Variants in COL28A1 observed in about 807,000 individuals in gnomAD.
The protein encoded by COL28A1 is collagen alpha-1(XXVIII) chain.
In COL28A1, 161 loss-of-function variants were observed where a neutral mutation model predicts 150.2. The ratio of observed to expected loss-of-function variants is 1.07; its 90% CI spans 0.94 to 1.22. The LOEUF (loss-of-function observed/expected upper bound fraction) is 1.22. COL28A1 is among the 50% of genes most tolerant of loss of function. The pLI is 0.00. For missense variants in COL28A1, 1,617 were observed against 1,388.3 expected, an observed-to-expected ratio of 1.16 and a Z score of -2.62; for synonymous variants, 552 against 469.7, an observed-to-expected ratio of 1.18 and a Z score of -2.26.
At chr7:7,456,498 AT>A (rs1196622314) in intron 15 of COL28A1, among the ~76,000 whole-genome samples, 1 of 152,224 alleles carries the variant, frequency 6.6e-6, no homozygotes, top group East Asian at 1.9e-4. Flanking sequence ...GAAGAAAAAT[AT>A]TTTTAAATTT....
intron 27 of COL28A1, among the ~76,000 whole-genome samples, chr7:7,405,621 T>G (rs1430012595): frequency 6.6e-6 from 1 of 152,172 alleles, no homozygotes. Flanking sequence ...TTGTAATGAA[T>G]GTGTTAGGAC....
At chr7:7,490,799 G>A (rs1199648629) in intron 11 of COL28A1, among the ~76,000 whole-genome samples, 153 bp from the exon 12 acceptor site, 1 of 152,048 alleles carries the variant, frequency 6.6e-6, no homozygotes, top group East Asian at 1.9e-4. Context: ...CAACTCATTT[G>A]GAAAGAAAAC....
At chr7:7,357,236 G>A (rs923010492), downstream of COL28A1, 5 of 152,210 alleles carry the variant, frequency 3.3e-5, no homozygotes, top group African/African-American at 1.2e-4. Context: ...TCTTAGTAGA[G>A]ACGGGGTTTT....
At position 7,477,114 on chromosome 7, in the gene COL28A1, T is replaced by G; in HGVS notation, c.1231A>C (p.Lys411Gln). ...CCTGGTACAGAAGGTATTGTTACCTTTGGTCCTGGAAATCCTTCTCCGGGT... is the reference window on the plus strand; with the variant it reads ...CCTGGTACAGAAGGTATTGTTACCTGTGGTCCTGGAAATCCTTCTCCGGGT... ...GLPGEGFPGPKGEKGSEGPTG... is the reference protein window; with the variant it reads ...GLPGEGFPGPQGEKGSEGPTG... The change falls in exon 14 of 35, where the codon AAG becomes CAG. Residue 411 changes from lysine (K) to glutamine (Q), a missense_variant and splice_region_variant. Lys to Gln is a moderately conservative substitution (Grantham distance 53, BLOSUM62 1). Transcript: ENST00000399429. 3 of 1,171,840 alleles carry G rather than the reference T, an allele frequency of 2.6e-6. No individual in the cohort carries two copies. Among genetic ancestry groups the G allele is most frequent in the Non-Finnish European group, 3.9e-6 (3 of 775,210 alleles). The allele number at this position is 1,171,840 out of a possible 1,614,324, so 72.6% of individuals were successfully genotyped here.
At chr7:7,401,452 T>C (rs943302887) in intron 27 of COL28A1, among the ~76,000 whole-genome samples, 3 of 152,196 alleles carry the variant, frequency 2.0e-5, no homozygotes, top group African/African-American at 7.2e-5. Context: ...TAGCTGTACA[T>C]GCCCAAGTCT....
intron 4 of COL28A1, among the ~76,000 whole-genome samples, chr7:7,523,085 G>A (rs115526956): frequency 0.025 from 3,763 of 151,754 alleles, 176 homozygotes; most frequent in African/African-American, 0.086. Flanking sequence ...ATTTCCACAG[G>A]TATAAAATAA....
chr7:7,359,150 G>A (rs1780493751), intron 34 of COL28A1, among the ~76,000 whole-genome samples: 2 of 152,182 alleles, frequency 1.3e-5, no homozygotes, highest in Non-Finnish European at 1.5e-5. Context: ...ATTTACACTG[G>A]ATTTGATTTA....
intron 31 of COL28A1, among the ~76,000 whole-genome samples, chr7:7,374,038 A>AAAAAAAAAAATATATATATAT: frequency 9.7e-5 from 11 of 113,654 alleles, no homozygotes; most frequent in African/African-American, 3.8e-4. Flanking sequence ...AAAAAAAAAA[A>AAAAAAAAAAATATATATATAT]ATATATATAT....
intron 25 of COL28A1, among the ~76,000 whole-genome samples, chr7:7,426,386 C>T (rs1375886815): frequency 6.6e-6 from 1 of 152,224 alleles, no homozygotes; most frequent in Non-Finnish European, 1.5e-5. Context: ...ATACCTCACT[C>T]GTGGTAGCCA....
At chr7:7,374,542 T>A (rs17167050) in intron 31 of COL28A1, among the ~76,000 whole-genome samples, 3,292 of 152,218 alleles carry the variant, frequency 0.022, 141 homozygotes, top group African/African-American at 0.076. Flanking sequence ...CTAGTCAATT[T>A]AAAAAAACCT....
intron 17 of COL28A1, 93 bp from the exon 18 acceptor site, chr7:7,452,480 A>G: frequency 2.0e-6 from 3 of 1,472,024 alleles, no homozygotes; most frequent in Non-Finnish European, 1.8e-6. Flanking sequence ...AACAAAGTAA[A>G]ACAGTTTCAT....
intron 28 of COL28A1, among the ~76,000 whole-genome samples, chr7:7,381,253 G>A (rs1238315351): frequency 2.0e-5 from 3 of 152,060 alleles, no homozygotes; most frequent in African/African-American, 7.2e-5. Context: ...AAGAAAATGA[G>A]ATTTTTTTAA....
chr7:7,440,032 A>G (rs1166705299), intron 21 of COL28A1, among the ~76,000 whole-genome samples: 1 of 152,104 alleles, frequency 6.6e-6, no homozygotes, highest in Non-Finnish European at 1.5e-5. Flanking sequence ...AGAGACATGA[A>G]CTCTCTTACG....
chr7:7,424,380 A>C (rs1382984357), intron 25 of COL28A1, among the ~76,000 whole-genome samples: 1 of 152,194 alleles, frequency 6.6e-6, no homozygotes, highest in Non-Finnish European at 1.5e-5. Flanking sequence ...AATTGCGGAC[A>C]GGTCTTGCTT....
At chr7:7,445,889 T>C (rs887495559) in intron 18 of COL28A1, among the ~76,000 whole-genome samples, 126 of 151,820 alleles carry the variant, frequency 8.3e-4, no homozygotes, top group African/African-American at 2.9e-3. Context: ...AGATGGAGTT[T>C]CGTTCTTGTT....
In COL28A1 at chr7:7,522,806, C is replaced by CCAAAAAAAAA. The variant is rs1460030225; in HGVS notation, c.703-846_703-845insTTTTTTTTTG. ...ACTAACACTAACGATAGCTGAAGAG[C>CCAAAAAAAAA]AAAAAAAAAAAAAAAAAAAAAAAAA... On this transcript the variant is annotated intron_variant, in intron 4 of 34. Transcript: ENST00000399429. Among the ~76,000 whole-genome samples the CCAAAAAAAAA allele has an allele frequency of 4.8e-4, 45 of 93,172 alleles. 1 individual carries two copies. The highest frequency in any genetic ancestry group is 2.0e-3 in the African/African-American group (39 of 19,744). The allele number at this position is 93,172 out of a possible 152,430, so 61.1% of individuals were successfully genotyped here.
At chr7:7,479,701 G>A (rs998117378) in intron 13 of COL28A1, among the ~76,000 whole-genome samples, 1 of 152,196 alleles carries the variant, frequency 6.6e-6, no homozygotes. Flanking sequence ...AGAAGTTCAT[G>A]TAACTATTGC....
intron 27 of COL28A1, among the ~76,000 whole-genome samples, chr7:7,389,135 CT>C (rs1782378999): frequency 6.6e-6 from 1 of 151,838 alleles, no homozygotes; most frequent in Non-Finnish European, 1.5e-5. Flanking sequence ...GGTTTTAGGT[CT>C]TACTTAAGTC....
chr7:7,396,502 T>C (rs1308476908), intron 27 of COL28A1, among the ~76,000 whole-genome samples: 1 of 152,206 alleles, frequency 6.6e-6, no homozygotes, highest in Admixed American at 6.5e-5. Flanking sequence ...TTCCAGTGTT[T>C]TAAAATCCTT....
Sources: allele counts gnomAD v4.1 joint callset (sites outside exome capture counted in the v4.1 genomes callset), GRCh38; gene constraint gnomAD v4.1.1; transcripts MANE v1.5; gene names NCBI Gene and HGNC (gene_info 2026-07-23, HGNC 2026-07-21).